TIAM1: variants seen among roughly 807,000 people sequenced by gnomAD.
TIAM1 encodes TIAM Rac1 associated GEF 1.
In TIAM1, 65 loss-of-function variants were observed where a neutral mutation model predicts 163.5. The ratio of observed to expected loss-of-function variants is 0.40; its 90% confidence interval spans 0.33 to 0.49. The LOEUF is 0.49. Ranked by LOEUF, TIAM1 falls within the 20% of genes least tolerant of loss-of-function variation. TIAM1 has a pLI of 0.77. For missense variants in TIAM1, 1,789 were observed against 2,044.7 expected (o/e 0.87, Z 2.41); for synonymous variants, 833 against 810.1 (o/e 1.03, Z -0.48).
At chr21:31,556,681 G>C (rs954477244) in intron 1 of TIAM1, among the ~76,000 whole-genome samples, 1 of 152,096 alleles carries the variant, frequency 6.6e-6, no homozygotes, top group Non-Finnish European at 1.5e-5. Flanking sequence ...AGCTAGTGGA[G>C]GAAAAACAAC....
intron 2 of TIAM1, among the ~76,000 whole-genome samples, chr21:31,309,008 T>A (rs1333284124): frequency 6.9e-6 from 1 of 145,054 alleles, no homozygotes; most frequent in Non-Finnish European, 1.5e-5. Flanking sequence ...TTCACCATTC[T>A]GGGCCTTACA....
At position 31,120,683 on chromosome 21, in the gene TIAM1, C is replaced by T. The variant is rs1385329336; in HGVS notation, c.4461G>A (p.Gln1487=). The change falls in exon 28 of 28, where the codon CAG becomes CAA. Residue 1487 remains glutamine (Q), a synonymous_variant. Coordinates refer to ENST00000541036, the MANE Select transcript of TIAM1 (RefSeq NM_001353694.2). The surrounding 1 kb of genome is among the most constrained non-coding windows in gnomAD (Gnocchi z 4.2). Reference sequence around the variant, plus strand: ...GCTCCTCATACTGAGCAAGATCAAACTGCTCCTCTACCCATCGGTCAGTGT... The same window carrying T: ...GCTCCTCATACTGAGCAAGATCAAATTGCTCCTCTACCCATCGGTCAGTGT... ...GGDTDRWVEE[Q]FDLAQYEEQD... 1.2e-6 allele frequency: 2 copies of T among 1,614,116 alleles called. No homozygotes were observed. The highest frequency in any genetic ancestry group is 2.2e-5 in the East Asian group (1 of 44,824).
At chr21:31,526,842 C>T (rs993440945) in intron 1 of TIAM1, among the ~76,000 whole-genome samples, 23 of 152,138 alleles carry the variant, frequency 1.5e-4, no homozygotes, top group Non-Finnish European at 2.9e-4. Flanking sequence ...GCTGGGACTA[C>T]AGGCACGCAC....
At chr21:31,189,045 T>TTA (rs2085433767) in intron 13 of TIAM1, among the ~76,000 whole-genome samples, 1 of 6,320 alleles carries the variant, frequency 1.6e-4, no homozygotes, top group Non-Finnish European at 3.5e-4. Flanking sequence ...CCATTCCCTC[T>TTA]TTTTTTTTTT....
At chr21:31,399,770 C>T (rs979205533) in intron 2 of TIAM1, among the ~76,000 whole-genome samples, 1 of 152,132 alleles carries the variant, frequency 6.6e-6, no homozygotes, top group African/African-American at 2.4e-5. Flanking sequence ...AAATGAGTGG[C>T]CCCCTGCACA....
At chr21:31,438,227 T>C (rs1385028881) in intron 2 of TIAM1, among the ~76,000 whole-genome samples, 1 of 140,900 alleles carries the variant, frequency 7.1e-6, no homozygotes, top group Non-Finnish European at 1.5e-5. Flanking sequence ...AGTCTCACTG[T>C]GTTGCCCAGA....
rs1205905075 is a variant in TIAM1, at chr21:31,266,935, A to C, written c.38T>G (p.Phe13Cys). ...NAESQHVEHE[F>C]YGEKHASLGR... is the part of the protein sequence containing the mutation. ...CAGGCTGGCATGCTTTTCTCCATAA[A>C]ACTCGTGCTCTACATGTTGACTTTC... The change falls in exon 4 of 28, where the codon TTT becomes TGT. Residue 13 changes from phenylalanine to cysteine, a missense_variant. By Grantham distance (205) the Phe-to-Cys change is radical (BLOSUM62 -2). Coordinates refer to ENST00000541036, the MANE Select transcript of TIAM1 (RefSeq NM_001353694.2). 6 of 1,610,208 alleles carry C rather than the reference A, an allele frequency of 3.7e-6. No individual in the cohort carries two copies. Among genetic ancestry groups the C allele is most frequent in the South Asian group, 1.1e-5 (1 of 90,958 alleles).
chr21:31,515,638 G>C (rs2047355874), intron 1 of TIAM1, among the ~76,000 whole-genome samples: 1 of 152,144 alleles, frequency 6.6e-6, no homozygotes, highest in Admixed American at 6.6e-5. Context: ...AACTTTACAG[G>C]CTGCTGAACC....
intron 2 of TIAM1, among the ~76,000 whole-genome samples, chr21:31,393,601 G>A (rs553003823): frequency 6.6e-6 from 1 of 152,222 alleles, no homozygotes; most frequent in African/African-American, 2.4e-5. Flanking sequence ...GAGAACCATG[G>A]CTAAAGTATA....
intron 6 of TIAM1, among the ~76,000 whole-genome samples, chr21:31,226,986 G>A (rs2284488): frequency 2.2e-5 from 3 of 137,914 alleles, no homozygotes; most frequent in Non-Finnish European, 4.6e-5. Context: ...AGACAGGGTC[G>A]TGCTCTGTTG....
intron 2 of TIAM1, among the ~76,000 whole-genome samples, chr21:31,328,902 TC>T (rs2075583169): frequency 6.6e-6 from 1 of 152,112 alleles, no homozygotes; most frequent in African/African-American, 2.4e-5. Flanking sequence ...TGCCTTGGCC[TC>T]CCAAAGTGCT....
intron 22 of TIAM1, among the ~76,000 whole-genome samples, chr21:31,140,901 A>C (rs1248794869): frequency 2.0e-5 from 3 of 152,242 alleles, no homozygotes. Context: ...GGAGCTGAAC[A>C]TCAGGAAAAC....
At chr21:31,231,237 T>C (rs747275605) in intron 6 of TIAM1, among the ~76,000 whole-genome samples, 4 of 152,182 alleles carry the variant, frequency 2.6e-5, no homozygotes, top group Admixed American at 6.5e-5. Flanking sequence ...GGAGAAAGCA[T>C]GTTAAGCCGC....
At chr21:31,224,638 G>T (rs2087828191) in intron 7 of TIAM1, among the ~76,000 whole-genome samples, 2 of 152,268 alleles carry the variant, frequency 1.3e-5, no homozygotes, top group African/African-American at 4.8e-5. Context: ...ATGGGGGAGT[G>T]TTTGCACCAC....
At chr21:31,216,276 G>A (rs188005803) in intron 9 of TIAM1, among the ~76,000 whole-genome samples, 5 of 152,284 alleles carry the variant, frequency 3.3e-5, no homozygotes, top group Admixed American at 3.3e-4. Flanking sequence ...CATTTCTTAA[G>A]TAAATTAATG....
intron 22 of TIAM1, among the ~76,000 whole-genome samples, chr21:31,136,627 T>A (rs75438664): frequency 2.0e-5 from 3 of 152,256 alleles, no homozygotes; most frequent in Admixed American, 2.0e-4. Context: ...GCTTGTCTAC[T>A]AGAATTTCAG....
At chr21:31,421,307 T>A (rs531533681) in intron 2 of TIAM1, among the ~76,000 whole-genome samples, 15 of 152,214 alleles carry the variant, frequency 9.9e-5, no homozygotes, top group Non-Finnish European at 2.9e-5. Context: ...TAAAGATTGC[T>A]AGGAGCCACC....
intron 2 of TIAM1, among the ~76,000 whole-genome samples, chr21:31,386,952 A>T (rs1172932000): frequency 6.6e-6 from 1 of 152,114 alleles, no homozygotes; most frequent in African/African-American, 2.4e-5. Flanking sequence ...CCTGAGCTTT[A>T]TCTGCTCCGG....
chr21:31,274,822 G>C (rs1010055708), intron 3 of TIAM1, among the ~76,000 whole-genome samples: 1 of 152,120 alleles, frequency 6.6e-6, no homozygotes, highest in Non-Finnish European at 1.5e-5. Context: ...AGAATATTAA[G>C]ATGTGGCTGG....
Sources: allele counts gnomAD v4.1 joint callset (sites outside exome capture counted in the v4.1 genomes callset), GRCh38; gene constraint gnomAD v4.1.1; non-coding constraint Gnocchi (gnomAD v3.1); transcripts MANE v1.5; gene names NCBI Gene and HGNC (gene_info 2026-07-23, HGNC 2026-07-21).